The following SUPT3H variants were observed in gnomAD, a reference collection of about 807,000 sequenced individuals.
The protein encoded by SUPT3H is transcription initiation protein SPT3 homolog.
In SUPT3H, 44 loss-of-function variants were observed where a neutral mutation model predicts 44.3. The observed-to-expected ratio is 0.99, with a 90% CI of 0.78 to 1.28. SUPT3H has a LOEUF of 1.28. Among genes scored for constraint, SUPT3H ranks in the 50% most tolerant of loss-of-function variants. SUPT3H has a pLI of 0.00. For missense variants in SUPT3H, 380 were observed against 387.1 expected (o/e 0.98, Z 0.15); for synonymous variants, 124 against 125.6 (o/e 0.99, Z 0.09).
chr6:44,898,359 T>C (rs528850988), intron 10 of SUPT3H, among the ~76,000 whole-genome samples: 1 of 152,334 alleles, frequency 6.6e-6, no homozygotes, highest in South Asian at 2.1e-4. Context: ...CCTGGATTGC[T>C]TGCTCTGGAG....
intron 2 of SUPT3H, among the ~76,000 whole-genome samples, chr6:45,302,996 A>G (rs1782395773): frequency 6.6e-6 from 1 of 152,178 alleles, no homozygotes; most frequent in Admixed American, 6.5e-5. Context: ...CTGATCTTCA[A>G]CAAACGAAAC....
At chr6:45,019,895 A>G (rs900857684) in intron 4 of SUPT3H, among the ~76,000 whole-genome samples, 10 of 152,084 alleles carry the variant, frequency 6.6e-5, no homozygotes, top group Admixed American at 3.3e-4. Context: ...ATCATCTAAG[A>G]GTTGATTAAC....
intron 3 of SUPT3H, among the ~76,000 whole-genome samples, chr6:45,076,409 C>T (rs1015257471): frequency 1.3e-5 from 2 of 151,832 alleles, no homozygotes; most frequent in African/African-American, 4.8e-5. Flanking sequence ...CCAGAAGACA[C>T]ATACAAGCTC....
In SUPT3H at chr6:45,030,430, C is replaced by T. The variant is rs555131310; in HGVS notation, c.187-9798G>A. On this transcript the variant is annotated intron_variant, in intron 3 of 10. Coordinates refer to ENST00000371459, the MANE Select transcript of SUPT3H (RefSeq NM_003599.4). ...CATTTGTAAACAGGCATCTACTGAA[C>T]GGGTTGTAGCCCTTACTTGTTTCTT... 5.9e-5 allele frequency among the ~76,000 whole-genome samples: 9 copies of T among 152,266 alleles called. No individual in the cohort carries two copies. In the South Asian group the frequency reaches 8.3e-4, roughly 14 times the overall value.
chr6:45,149,190 C>T (rs1018558003), intron 2 of SUPT3H, among the ~76,000 whole-genome samples: 7 of 152,096 alleles, frequency 4.6e-5, no homozygotes, highest in African/African-American at 1.7e-4. Context: ...AGAATAACCC[C>T]ATCATAAGTT....
At chr6:44,870,079 T>C (rs547373254) in intron 10 of SUPT3H, among the ~76,000 whole-genome samples, 6 of 152,216 alleles carry the variant, frequency 3.9e-5, no homozygotes, top group Non-Finnish European at 7.3e-5. Flanking sequence ...AATTTCAACA[T>C]TTCTCTTCAT....
chr6:44,929,212 T>C (rs1031774583), intron 10 of SUPT3H, among the ~76,000 whole-genome samples: 2 of 152,192 alleles, frequency 1.3e-5, no homozygotes, highest in African/African-American at 2.4e-5. Context: ...ATTCTTTATA[T>C]AATGAATTAT....
rs1230956952 is a variant in SUPT3H, at chr6:45,256,039, C to T, written c.101+109162G>A. ...ACAAAAAATTAACCGGGCGTGGTTG[C>T]GGGTGCCTGTAGTTCCAGCTACTCA... On this transcript the variant is annotated intron_variant, in intron 2 of 10. Coordinates refer to ENST00000371459, the MANE Select transcript of SUPT3H (RefSeq NM_003599.4). Among the ~76,000 whole-genome samples the T allele has an allele frequency of 2.6e-5, 4 of 152,136 alleles. No homozygotes were observed. The South Asian group carries it at 6.2e-4, about 24-fold the overall frequency.
At chr6:44,986,711 T>C (rs1231739933) in intron 6 of SUPT3H, among the ~76,000 whole-genome samples, 4 of 152,142 alleles carry the variant, frequency 2.6e-5, no homozygotes, top group African/African-American at 9.7e-5. Context: ...TCATTATTTG[T>C]TTATATAAAA....
At chr6:45,376,631 TGA>T (rs1485044570) in intron 1 of SUPT3H, among the ~76,000 whole-genome samples, 20 of 152,208 alleles carry the variant, frequency 1.3e-4, no homozygotes, top group Non-Finnish European at 4.4e-5. Flanking sequence ...CCGAATATCC[TGA>T]GATAAGAAAC....
chr6:45,180,595 C>A (rs1377467434), intron 2 of SUPT3H, among the ~76,000 whole-genome samples: 1 of 151,248 alleles, frequency 6.6e-6, no homozygotes, highest in African/African-American at 2.4e-5. Flanking sequence ...TTTGACAAAC[C>A]TGAGAAAAAC....
rs144308852 is a variant in SUPT3H, at chr6:45,267,104, C to G, written c.101+98097G>C. The stretch of plus-strand genomic sequence containing the variant: ...CTCAAGGTATCTCATTATATATACA[C>G]AAGTATTCCAAAATATGAAAAACAA... On this transcript the variant is annotated intron_variant, in intron 2 of 10. Coordinates refer to ENST00000371459, the MANE Select transcript of SUPT3H (RefSeq NM_003599.4). Among the ~76,000 whole-genome samples, 60 of 152,216 alleles carry G rather than the reference C, an allele frequency of 3.9e-4. No homozygotes were observed. The East Asian group carries it at 0.011, about 29-fold the overall frequency.
At chr6:45,140,728 A>G (rs1805038271) in intron 2 of SUPT3H, among the ~76,000 whole-genome samples, 2 of 151,862 alleles carry the variant, frequency 1.3e-5, no homozygotes, top group African/African-American at 4.8e-5. Flanking sequence ...ACATCACAGA[A>G]CTCTCTGCAG....
At chr6:45,266,423 T>C (rs1316338511) in intron 2 of SUPT3H, among the ~76,000 whole-genome samples, 1 of 151,916 alleles carries the variant, frequency 6.6e-6, no homozygotes, top group African/African-American at 2.4e-5. Flanking sequence ...AAAAATCATA[T>C]ACCATGGAAA....
chr6:45,154,087 A>AAAAAAAAAAAAAAAAAAAAAAAC lies in SUPT3H; in HGVS notation c.102-48082_102-48081insGTTTTTTTTTTTTTTTTTTTTTT, dbSNP rs70996303. On this transcript the variant is annotated intron_variant, in intron 2 of 10. Coordinates refer to ENST00000371459, the MANE Select transcript of SUPT3H (RefSeq NM_003599.4). ...TCTGTCTCAAGAAAAAAAAAAAAAA[A>AAAAAAAAAAAAAAAAAAAAAAAC]AGCGCTTAGTCCTCCTATGTTAGAA... 1.7e-4 allele frequency among the ~76,000 whole-genome samples: 20 copies of AAAAAAAAAAAAAAAAAAAAAAAC among 114,620 alleles called. 2 individuals carry two copies. The highest frequency in any genetic ancestry group is 3.0e-4 in the Non-Finnish European group (17 of 56,950). The allele number at this position is 114,620 out of a possible 152,430, so 75.2% of individuals were successfully genotyped here.
intron 3 of SUPT3H, among the ~76,000 whole-genome samples, chr6:45,063,336 G>A (rs1016297284): frequency 6.6e-6 from 1 of 150,842 alleles, no homozygotes; most frequent in African/African-American, 2.5e-5. Flanking sequence ...AAGACCAAAA[G>A]TACATAAAAC....
intron 10 of SUPT3H, among the ~76,000 whole-genome samples, chr6:44,920,880 T>C (rs942251946): frequency 2.0e-5 from 3 of 152,236 alleles, no homozygotes; most frequent in African/African-American, 4.8e-5. Flanking sequence ...TGCTCCTCTG[T>C]GTGCTTGTAT....
At chr6:44,909,109 G>C (rs944241707) in intron 10 of SUPT3H, among the ~76,000 whole-genome samples, 16 of 147,180 alleles carry the variant, frequency 1.1e-4, no homozygotes, top group Admixed American at 4.9e-4. Context: ...TCTTTCTGCT[G>C]CTCTATACCT....
intron 10 of SUPT3H, among the ~76,000 whole-genome samples, chr6:44,841,369 G>C (rs541185372): frequency 8.5e-5 from 13 of 152,160 alleles, no homozygotes; most frequent in Admixed American, 2.0e-4. Context: ...GTGCTATGCT[G>C]TGAATATGGT....
Sources: gnomAD v4.1 joint callset for allele counts (sites outside exome capture counted in the v4.1 genomes callset) on GRCh38, gnomAD v4.1.1 for gene constraint, MANE v1.5 for transcripts, NCBI Gene and HGNC (gene_info 2026-07-23, HGNC 2026-07-21) for gene names.